Variants in CACNA1D observed in about 807,000 individuals in gnomAD.
The protein encoded by CACNA1D is calcium voltage-gated channel subunit alpha1 D.
A neutral mutation model predicts 257.1 loss-of-function variants in CACNA1D; 55 were observed. That is an observed-to-expected ratio of 0.21 (90% CI 0.17 to 0.27). The LOEUF is 0.27. Ranked by LOEUF, CACNA1D falls within the 10% of genes least tolerant of loss-of-function variation. The pLI is 1.00. For missense variants in CACNA1D, 1,876 were observed against 2,784.0 expected (o/e 0.67, Z 7.34); for synonymous variants, 980 against 1,014.9 (o/e 0.97, Z 0.65).
At chr3:53,545,506 A>G (rs901310480) in intron 3 of CACNA1D, among the ~76,000 whole-genome samples, 3 of 152,208 alleles carry the variant, frequency 2.0e-5, no homozygotes, top group Non-Finnish European at 4.4e-5. Flanking sequence ...TGAGGATTTC[A>G]GGAGAGGTGA....
intron 26 of CACNA1D, among the ~76,000 whole-genome samples, chr3:53,748,885 C>A (rs536984247): frequency 4.6e-5 from 7 of 152,234 alleles, no homozygotes; most frequent in Admixed American, 3.3e-4. Context: ...GGGGAAGCAC[C>A]CTTAGTTCTT....
chr3:53,711,838 C>T (rs1385193705), intron 9 of CACNA1D, among the ~76,000 whole-genome samples: 1 of 152,076 alleles, frequency 6.6e-6, no homozygotes, highest in Non-Finnish European at 1.5e-5. Flanking sequence ...CGTTGTGGAC[C>T]CCAAAGGAGG....
At chr3:53,522,615 A>G (rs1010072664) in intron 3 of CACNA1D, among the ~76,000 whole-genome samples, 2 of 152,240 alleles carry the variant, frequency 1.3e-5, no homozygotes, top group Admixed American at 6.5e-5. Context: ...TCTTTGGACT[A>G]GGGGAAGATG....
chr3:53,588,877 T>G (rs143346405), intron 3 of CACNA1D, among the ~76,000 whole-genome samples: 1 of 152,360 alleles, frequency 6.6e-6, no homozygotes, highest in East Asian at 1.9e-4. Context: ...GTAACTGTCT[T>G]CTCAAGTACA....
At chr3:53,617,681 C>T (rs982037697) in intron 3 of CACNA1D, among the ~76,000 whole-genome samples, 8 of 152,126 alleles carry the variant, frequency 5.3e-5, no homozygotes, top group African/African-American at 9.7e-5. Context: ...CCAGCAAGGA[C>T]TATGGGTGGT....
Position 53,665,805 on chromosome 3 carries a change from T to G in CACNA1D, c.912T>G (p.Ala304=), listed in dbSNP as rs2094255589. The G allele has an allele frequency of 1.2e-6, 2 of 1,612,810 alleles. No individual in the cohort carries two copies. The highest frequency in any genetic ancestry group is 2.2e-5 in the South Asian group (2 of 90,896). Residue 304 remains alanine, a synonymous_variant, in exon 6 of 48, where the codon GCT becomes GCG. Transcript: ENST00000350061. ...AAATGCACAAAACATGTTTTTTTGC[T>G]GACTCAGGTGAGTAATGAGAATTGT... is the stretch of plus-strand genomic sequence containing the variant. ...IGKMHKTCFF[A]DSDIVAEEDP... is the part of the protein sequence containing the mutation.
At position 53,713,902 on chromosome 3, in the gene CACNA1D, A is replaced by AC. The variant is rs201096409; in HGVS notation, c.1391-4397dup. Among the ~76,000 whole-genome samples the AC allele has an allele frequency of 6.0e-3, 919 of 152,178 alleles. 17 individuals are homozygous for AC. The highest frequency in any genetic ancestry group is 0.021 in the African/African-American group (882 of 41,518). On this transcript the variant is annotated intron_variant, in intron 9 of 47. Transcript: ENST00000350061. Reference sequence around the variant, plus strand: ...CCCAGTGGCACCCAGGCCCCCCGCCACCAATCTCAGTGCACCACACTGTAA... The same window carrying AC: ...CCCAGTGGCACCCAGGCCCCCCGCCACCCAATCTCAGTGCACCACACTGTAA...
chr3:53,591,669 G>A (rs912269272), intron 3 of CACNA1D, among the ~76,000 whole-genome samples: 13 of 152,154 alleles, frequency 8.5e-5, no homozygotes, highest in African/African-American at 3.1e-4. Flanking sequence ...CTAGTAATTG[G>A]CAATTATAAT....
intron 3 of CACNA1D, among the ~76,000 whole-genome samples, chr3:53,633,010 C>T (rs2093839604): frequency 6.6e-6 from 1 of 152,100 alleles, no homozygotes; most frequent in African/African-American, 2.4e-5. Context: ...ACCAATAGAC[C>T]CGCTTGTTGC....
At chr3:53,602,584 G>T (rs886573579) in intron 3 of CACNA1D, among the ~76,000 whole-genome samples, 3 of 152,122 alleles carry the variant, frequency 2.0e-5, no homozygotes, top group East Asian at 1.9e-4. Context: ...AGTGTGTGAG[G>T]GTTCCCCTTT....
intron 21 of CACNA1D, among the ~76,000 whole-genome samples, chr3:53,741,147 T>C (rs1053342264): frequency 3.3e-5 from 5 of 152,000 alleles, no homozygotes; most frequent in African/African-American, 1.2e-4. Flanking sequence ...GTGCTTAGAG[T>C]GCTGGAGACC....
chr3:53,797,381 C>T (rs937501493), intron 40 of CACNA1D, among the ~76,000 whole-genome samples: 1 of 152,152 alleles, frequency 6.6e-6, no homozygotes, highest in African/African-American at 2.4e-5. Context: ...TAGAGTCAGT[C>T]CCTGACTCTT....
chr3:53,551,382 GT>G (rs2092531057), intron 3 of CACNA1D, among the ~76,000 whole-genome samples: 1 of 152,218 alleles, frequency 6.6e-6, no homozygotes, highest in South Asian at 2.1e-4. Context: ...AAGGGAAGAA[GT>G]TACCCAGATC....
At chr3:53,745,786 C>T (rs1443975148) in intron 24 of CACNA1D, 37 bp from the exon 25 acceptor site, 1 of 1,606,238 alleles carries the variant, frequency 6.2e-7, no homozygotes, top group Non-Finnish European at 8.5e-7. Flanking sequence ...AAGGAGAAGC[C>T]TGCATTTACT....
At chr3:53,516,049 CT>C in intron 3 of CACNA1D, among the ~76,000 whole-genome samples, 1 of 152,198 alleles carries the variant, frequency 6.6e-6, no homozygotes, top group Non-Finnish European at 1.5e-5. Context: ...TCTCACCTCC[CT>C]TGGTCTGGCT....
Position 53,512,486 on chromosome 3 carries a change from T to C in CACNA1D, c.483+10766T>C, listed in dbSNP as rs1272536244. ...GACCCTGAATGAGGAATCACAGACATGATGAGGTTGGGATTGGAGAGGACA... is the reference window on the plus strand; with the variant it reads ...GACCCTGAATGAGGAATCACAGACACGATGAGGTTGGGATTGGAGAGGACA... On this transcript the variant is annotated intron_variant, in intron 3 of 47. Coordinates refer to ENST00000350061, the MANE Select transcript of CACNA1D (RefSeq NM_001128840.3). Among the ~76,000 whole-genome samples, 8 of 152,246 alleles carry C rather than the reference T, an allele frequency of 5.3e-5. No homozygotes were observed. In the East Asian group the frequency reaches 1.5e-3, roughly 29 times the overall value.
intron 3 of CACNA1D, among the ~76,000 whole-genome samples, chr3:53,587,429 T>TAA: frequency 6.6e-6 from 1 of 152,264 alleles, no homozygotes; most frequent in African/African-American, 2.4e-5. Flanking sequence ...TTACAGGGTC[T>TAA]TCTCTGGGAC....
rs776455924 is a variant in CACNA1D at position 53,660,774 on chromosome 3, C to T, written c.766+499C>T. On this transcript the variant is annotated intron_variant, in intron 5 of 47. Transcript: ENST00000350061. ...TACTATCAGGAACTGTGCTACCCAG[C>T]TCTGGGGGAAGGGATGAATGCTTCT... Among the ~76,000 whole-genome samples, 72 of 152,010 alleles carry T rather than the reference C, an allele frequency of 4.7e-4. 2 individuals carry two copies. Among genetic ancestry groups the T allele is most frequent in the South Asian group, 8.3e-4 (4 of 4,826 alleles).
In CACNA1D at chr3:53,676,184, G is replaced by A. The variant is rs140582386; in HGVS notation, c.1220+3058G>A. Among the ~76,000 whole-genome samples the A allele has an allele frequency of 4.3e-3, 651 of 152,210 alleles. 6 individuals carry two copies. The highest frequency in any genetic ancestry group is 0.015 in the African/African-American group (628 of 41,530). Reference sequence around the variant, plus strand: ...TATTCAGTAGAGGTGCAGACCCAGAGGCTCTGTGAGCTGCACTAGAGAGAT... The same window carrying A: ...TATTCAGTAGAGGTGCAGACCCAGAAGCTCTGTGAGCTGCACTAGAGAGAT... On this transcript the variant is annotated intron_variant, in intron 8 of 47. Coordinates refer to ENST00000350061, the MANE Select transcript of CACNA1D (RefSeq NM_001128840.3).
Sources: allele counts gnomAD v4.1 joint callset (sites outside exome capture counted in the v4.1 genomes callset), GRCh38; gene constraint gnomAD v4.1.1; transcripts MANE v1.5; gene names NCBI Gene and HGNC (gene_info 2026-07-23, HGNC 2026-07-21).